SSBP2: variants seen among roughly 807,000 people sequenced by gnomAD.
SSBP2 encodes single-stranded DNA-binding protein 2.
Under a neutral mutation model 61.8 loss-of-function variants are expected in SSBP2, and 17 were observed. The observed-to-expected ratio is 0.28, with a 90% CI of 0.19 to 0.41. The LOEUF (loss-of-function observed/expected upper bound fraction) is 0.41. SSBP2 is among the 10% of genes least tolerant of loss of function. SSBP2 has a pLI of 1.00. For missense variants in SSBP2, 310 were observed against 458.7 expected, an observed-to-expected ratio of 0.68 and a Z score of 2.96; for synonymous variants, 139 against 141.3, an observed-to-expected ratio of 0.98 and a Z score of 0.12.
chr5:81,653,428 A>G (rs577109753), intron 1 of SSBP2, among the ~76,000 whole-genome samples: 1 of 152,280 alleles, frequency 6.6e-6, no homozygotes, highest in South Asian at 2.1e-4. Flanking sequence ...GTGTCTTTTT[A>G]GTAGAATGAT....
chr5:81,686,030 T>G (rs1752746909), intron 1 of SSBP2, among the ~76,000 whole-genome samples: 1 of 152,210 alleles, frequency 6.6e-6, no homozygotes, highest in Non-Finnish European at 1.5e-5. Context: ...CCCAAAAGGT[T>G]AGACAGTAAG....
Position 81,465,023 on chromosome 5 carries a change from T to C in SSBP2, c.638+1951A>G, listed in dbSNP as rs147484359. Among the ~76,000 whole-genome samples the C allele has an allele frequency of 6.6e-3, 1,003 of 152,168 alleles. 12 individuals are homozygous for C. The highest frequency in any genetic ancestry group is 0.023 in the African/African-American group (945 of 41,552). ...TATCAATATAATAGTTACACTCTTA[T>C]AGAGCATTCATACCTGAGAAGTTTC... On this transcript the variant is annotated intron_variant, in intron 9 of 16. Coordinates refer to ENST00000320672, the MANE Select transcript of SSBP2 (RefSeq NM_012446.5).
intron 3 of SSBP2, among the ~76,000 whole-genome samples, chr5:81,631,822 C>T (rs1421240107): frequency 6.6e-6 from 1 of 152,096 alleles, no homozygotes. Flanking sequence ...ATTTTTTGAA[C>T]CCTAGATCAA....
chr5:81,554,621 T>C (rs555562034), intron 4 of SSBP2, among the ~76,000 whole-genome samples: 43 of 152,166 alleles, frequency 2.8e-4, no homozygotes, highest in Non-Finnish European at 5.2e-4. Flanking sequence ...ATTTTAGTTA[T>C]AGCTAATAAA....
chr5:81,496,562 C>A (rs1767297951), intron 5 of SSBP2, among the ~76,000 whole-genome samples: 1 of 152,102 alleles, frequency 6.6e-6, no homozygotes, highest in Non-Finnish European at 1.5e-5. Context: ...AGCAAGTGAT[C>A]ATTTACTTAA....
chr5:81,493,297 G>GATAGATAGAT (rs1237720233), intron 5 of SSBP2, among the ~76,000 whole-genome samples: 36 of 148,774 alleles, frequency 2.4e-4, no homozygotes, highest in African/African-American at 8.6e-4. Flanking sequence ...TAGATAGATA[G>GATAGATAGAT]ATAGATTAAC....
At chr5:81,511,722 C>T (rs1252838483) in intron 5 of SSBP2, among the ~76,000 whole-genome samples, 1 of 152,174 alleles carries the variant, frequency 6.6e-6, no homozygotes, top group East Asian at 1.9e-4. Context: ...TACTCTGTTA[C>T]AACACATATT....
chr5:81,681,309 CA>C (rs1455574353), intron 1 of SSBP2, among the ~76,000 whole-genome samples: 1 of 152,040 alleles, frequency 6.6e-6, no homozygotes, highest in East Asian at 1.9e-4. Context: ...CACCTGAGGT[CA>C]GGACTTTAGG....
At chr5:81,544,046 T>C (rs972101949) in intron 4 of SSBP2, among the ~76,000 whole-genome samples, 3 of 152,166 alleles carry the variant, frequency 2.0e-5, no homozygotes, top group African/African-American at 7.2e-5. Context: ...CACCTTTCTT[T>C]CTTCCTTCCT....
chr5:81,550,931 C>T (rs1306822475), intron 4 of SSBP2, among the ~76,000 whole-genome samples: 1 of 151,872 alleles, frequency 6.6e-6, no homozygotes, highest in East Asian at 1.9e-4. Context: ...CCCGTCTCTA[C>T]TAAAAATACA....
intron 4 of SSBP2, among the ~76,000 whole-genome samples, chr5:81,539,065 A>G (rs1771040147): frequency 6.6e-6 from 1 of 152,264 alleles, no homozygotes; most frequent in South Asian, 2.1e-4. Context: ...TGGAAAAAGT[A>G]AATAGAAAAC....
At chr5:81,697,383 T>C (rs915583913) in intron 1 of SSBP2, among the ~76,000 whole-genome samples, 4 of 152,212 alleles carry the variant, frequency 2.6e-5, no homozygotes, top group African/African-American at 9.7e-5. Flanking sequence ...TAGCTGGTGG[T>C]TTATTTCATT....
chr5:81,612,259 CAACAG>C (rs1745525179), intron 4 of SSBP2, among the ~76,000 whole-genome samples: 1 of 152,052 alleles, frequency 6.6e-6, no homozygotes, highest in Non-Finnish European at 1.5e-5. Flanking sequence ...ATACAAAAAA[CAACAG>C]ATGTCTTTCA....
At chr5:81,509,090 A>G (rs112865723) in intron 5 of SSBP2, among the ~76,000 whole-genome samples, 11 of 152,308 alleles carry the variant, frequency 7.2e-5, no homozygotes, top group African/African-American at 2.2e-4. Flanking sequence ...AAAACTATTT[A>G]GCACCCTTTT....
At chr5:81,586,013 T>C (rs1463695577) in intron 4 of SSBP2, among the ~76,000 whole-genome samples, 1 of 152,234 alleles carries the variant, frequency 6.6e-6, no homozygotes, top group African/African-American at 2.4e-5. Flanking sequence ...TCATTATGTA[T>C]ATAACCTGCA....
At chr5:81,750,404 G>A (rs1425562616) in intron 1 of SSBP2, among the ~76,000 whole-genome samples, 1 of 144,166 alleles carries the variant, frequency 6.9e-6, no homozygotes, top group Non-Finnish European at 1.5e-5. Flanking sequence ...GCCGCTCCAC[G>A]CCCGGCTTCC....
chr5:81,492,285 T>C (rs1014083689), intron 5 of SSBP2, among the ~76,000 whole-genome samples: 5 of 152,076 alleles, frequency 3.3e-5, no homozygotes, highest in African/African-American at 1.2e-4. Flanking sequence ...GGCAGACCAC[T>C]TGAGGCCAGG....
At chr5:81,569,459 A>G (rs1773681851) in intron 4 of SSBP2, among the ~76,000 whole-genome samples, 1 of 152,224 alleles carries the variant, frequency 6.6e-6, no homozygotes, top group Admixed American at 6.5e-5. Flanking sequence ...ATGTATTCCT[A>G]TCAGCCTGTA....
intron 1 of SSBP2, among the ~76,000 whole-genome samples, chr5:81,722,756 C>T (rs981911653): frequency 5.9e-5 from 9 of 151,960 alleles, no homozygotes; most frequent in African/African-American, 2.2e-4. Flanking sequence ...ATAATGTGTG[C>T]TACCTGCAGA....
Sources: allele counts gnomAD v4.1 joint callset (sites outside exome capture counted in the v4.1 genomes callset), GRCh38; gene constraint gnomAD v4.1.1; transcripts MANE v1.5; gene names NCBI Gene and HGNC (gene_info 2026-07-23, HGNC 2026-07-21).